Variants in ACER3 observed in about 807,000 individuals in gnomAD.
The protein encoded by ACER3 is alkCDase 3.
ACER3 carries 16 observed loss-of-function variants against 48.9 expected under a neutral mutation model. The ratio of observed to expected loss-of-function variants is 0.33; its 90% CI spans 0.22 to 0.50. The LOEUF (loss-of-function observed/expected upper bound fraction) is 0.50. Among genes scored for constraint, ACER3 ranks in the 20% least tolerant of loss-of-function variants. The pLI is 0.98. For synonymous variants in ACER3, 109 were observed against 107.8 expected, an observed-to-expected ratio of 1.01 and a Z score of -0.07; for missense variants, 227 against 326.0, an observed-to-expected ratio of 0.70 and a Z score of 2.34.
chr11:76,948,211 CTGTG>C (rs57302394), intron 2 of ACER3, among the ~76,000 whole-genome samples: 34,467 of 135,140 alleles, frequency 0.26, 3,946 homozygotes, highest in African/African-American at 0.28. Flanking sequence ...CTGGCTCACT[CTGTG>C]TGTGTGTGTG....
At position 77,020,680 on chromosome 11, in the gene ACER3, C is replaced by CA. The variant is rs1264966216; in HGVS notation, c.*354dup. 1 of 208,928 alleles carries CA rather than the reference C, an allele frequency of 4.8e-6. No individual in the cohort carries two copies. Among genetic ancestry groups the CA allele is most frequent in the Non-Finnish European group, 9.6e-6 (1 of 104,222 alleles). 12.9% of individuals were successfully genotyped at this position (208,928 alleles called of 1,614,324 possible). On this transcript the variant is annotated 3_prime_UTR_variant, in exon 11 of 11. Coordinates refer to ENST00000532485, the MANE Select transcript of ACER3 (RefSeq NM_018367.7). ...CTTCTTTTCTTTTTGCCAAGGGTTG[C>CA]ATGTGAATTATACCTTTCTTAATAT...
chr11:76,976,396 CAT>C (rs2135152993), intron 4 of ACER3, 55 bp downstream of exon 4: 1 of 1,080,954 alleles, frequency 9.3e-7, no homozygotes, highest in African/African-American at 1.6e-5. Flanking sequence ...ATATTTACCT[CAT>C]AGTGGATTAA....
intron 7 of ACER3, among the ~76,000 whole-genome samples, chr11:77,001,407 C>G (rs1555019779): frequency 2.0e-5 from 3 of 152,158 alleles, no homozygotes; most frequent in East Asian, 1.9e-4. Context: ...AGGCGCCCAC[C>G]ACCATGCCCA....
At position 76,993,602 on chromosome 11, in the gene ACER3, A is replaced by C. The variant is rs1489981802; in HGVS notation, c.438+3028A>C. On this transcript the variant is annotated intron_variant, in intron 6 of 10. Coordinates refer to ENST00000532485, the MANE Select transcript of ACER3 (RefSeq NM_018367.7). Reference sequence around the variant, plus strand: ...ATGAACAAGATGTCACAGGTAGAGAAGTAAAGGCTATTCCATCTATAGAGA... The same window carrying C: ...ATGAACAAGATGTCACAGGTAGAGACGTAAAGGCTATTCCATCTATAGAGA... Among the ~76,000 whole-genome samples, 7 of 152,338 alleles carry C rather than the reference A, an allele frequency of 4.6e-5. No homozygotes were observed. In the East Asian group the frequency reaches 1.2e-3, roughly 25 times the overall value.
chr11:77,005,741 A>T (rs1305013728), intron 7 of ACER3, among the ~76,000 whole-genome samples: 1 of 151,688 alleles, frequency 6.6e-6, no homozygotes, highest in Admixed American at 6.6e-5. Context: ...TTATAAGGAC[A>T]CCAGTCATAT....
At chr11:76,899,810 C>T (rs1051240679) in intron 1 of ACER3, among the ~76,000 whole-genome samples, 2 of 152,264 alleles carry the variant, frequency 1.3e-5, no homozygotes, top group South Asian at 2.1e-4. Context: ...TGCACATATA[C>T]GGTTGACCCT....
chr11:76,914,247 C>T (rs1472686848), intron 1 of ACER3, among the ~76,000 whole-genome samples: 1 of 152,162 alleles, frequency 6.6e-6, no homozygotes, highest in Non-Finnish European at 1.5e-5. Flanking sequence ...AAACTATCAT[C>T]AGAGTGAACA....
intron 4 of ACER3, among the ~76,000 whole-genome samples, chr11:76,984,786 A>G (rs1393283565): frequency 6.6e-6 from 1 of 152,256 alleles, no homozygotes; most frequent in Admixed American, 6.5e-5. Flanking sequence ...TGCAAGATAT[A>G]GAAACCTATT....
chr11:76,947,121 A>G (rs1238281730), intron 2 of ACER3, among the ~76,000 whole-genome samples: 1 of 152,138 alleles, frequency 6.6e-6, no homozygotes, highest in Non-Finnish European at 1.5e-5. Flanking sequence ...GTATCTGCTT[A>G]CTATTCTGGT....
chr11:76,932,837 A>G (rs1947045824), intron 2 of ACER3, among the ~76,000 whole-genome samples: 1 of 152,194 alleles, frequency 6.6e-6, no homozygotes, highest in Non-Finnish European at 1.5e-5. Flanking sequence ...GGAAAAGAGA[A>G]GAGAGGACTC....
At chr11:76,935,600 G>A (rs1947156804) in intron 2 of ACER3, among the ~76,000 whole-genome samples, 1 of 152,102 alleles carries the variant, frequency 6.6e-6, no homozygotes, top group South Asian at 2.1e-4. Context: ...AAAATGAAGA[G>A]GAAGTATAAG....
chr11:76,946,219 G>A (rs1454136063), intron 2 of ACER3, among the ~76,000 whole-genome samples: 1 of 152,184 alleles, frequency 6.6e-6, no homozygotes. Context: ...AGGAGATGCA[G>A]CCTTATCAGC....
intron 2 of ACER3, among the ~76,000 whole-genome samples, chr11:76,937,267 T>C (rs961107456): frequency 6.6e-6 from 1 of 152,222 alleles, no homozygotes; most frequent in Non-Finnish European, 1.5e-5. Flanking sequence ...GGCATTCTTC[T>C]TGCATTGCTG....
rs1949124520 is a variant in ACER3, at chr11:77,005,903, G to A, written c.497+7082G>A. Among the ~76,000 whole-genome samples, 11 of 143,218 alleles carry A rather than the reference G, an allele frequency of 7.7e-5. No homozygotes were observed. The Admixed American group carries it at 7.8e-4, about 10-fold the overall frequency. 94.0% of individuals were successfully genotyped at this position (143,218 alleles called of 152,430 possible). ...TAGAGGTGAAAAATTCAACTCATAA[G>A]AATGCCTTTATCCTGACCCATTTAA... is the stretch of plus-strand genomic sequence containing the variant. On this transcript the variant is annotated intron_variant, in intron 7 of 10. Coordinates refer to ENST00000532485, the MANE Select transcript of ACER3 (RefSeq NM_018367.7).
At position 76,962,807 on chromosome 11, in the gene ACER3, C is replaced by T. The variant is rs1020721919; in HGVS notation, c.267+3776C>T. On this transcript the variant is annotated intron_variant, in intron 3 of 10. Transcript: ENST00000532485. Reference sequence around the variant, plus strand: ...TGCTACCTTTATGTGTTTCTCTAACCAAGGAATGGAATATTCATGAAAATT... The same window carrying T: ...TGCTACCTTTATGTGTTTCTCTAACTAAGGAATGGAATATTCATGAAAATT... Among the ~76,000 whole-genome samples, 41 of 151,360 alleles carry T rather than the reference C, an allele frequency of 2.7e-4. 2 individuals are homozygous for T. Among genetic ancestry groups the T allele is most frequent in the African/African-American group, 9.6e-4 (39 of 40,654 alleles).
intron 1 of ACER3, among the ~76,000 whole-genome samples, chr11:76,924,303 T>A (rs969259844): frequency 2.6e-5 from 4 of 152,210 alleles, no homozygotes; most frequent in African/African-American, 9.6e-5. Context: ...TTCTTGTTTC[T>A]TCATCTTGTG....
At chr11:77,015,690 C>G (rs1949352236) in intron 8 of ACER3, among the ~76,000 whole-genome samples, 1 of 152,118 alleles carries the variant, frequency 6.6e-6, no homozygotes, top group Admixed American at 6.5e-5. Context: ...ATCCTGTGAA[C>G]TAACAATTTT....
chr11:76,900,174 TAAGG>T (rs1946043778), intron 1 of ACER3, among the ~76,000 whole-genome samples: 1 of 151,564 alleles, frequency 6.6e-6, no homozygotes, highest in Non-Finnish European at 1.5e-5. Context: ...AAGAAAATCA[TAAGG>T]AAGAGAAAAT....
chr11:76,975,335 TAATA>T (rs779818931), intron 3 of ACER3, among the ~76,000 whole-genome samples: 10 of 152,202 alleles, frequency 6.6e-5, no homozygotes, highest in East Asian at 1.9e-4. Context: ...GTGTATCTAG[TAATA>T]AATAAACTCT....
Sources: gnomAD v4.1 joint callset for allele counts (sites outside exome capture counted in the v4.1 genomes callset) on GRCh38, gnomAD v4.1.1 for gene constraint, MANE v1.5 for transcripts, NCBI Gene and HGNC (gene_info 2026-07-23, HGNC 2026-07-21) for gene names.